Variants in EYS observed in about 807,000 individuals in gnomAD.
EYS encodes the protein EGF-like photoreceptor maintenance factor.
A neutral mutation model predicts 282.1 loss-of-function variants in EYS; 250 were observed. The observed-to-expected ratio is 0.89, with a 90% CI of 0.80 to 0.98. EYS has a LOEUF of 0.98. EYS is among the 50% of genes least tolerant of loss of function. EYS has a pLI of 0.00. For synonymous variants in EYS, 1,355 were observed against 1,282.9 expected, an observed-to-expected ratio of 1.06 and a Z score of -1.20; for missense variants, 4,016 against 3,709.0, an observed-to-expected ratio of 1.08 and a Z score of -2.15.
At chr6:64,589,697 T>A (rs17217959) in intron 26 of EYS, among the ~76,000 whole-genome samples, 15,322 of 152,038 alleles carry the variant, frequency 0.1, 924 homozygotes, top group East Asian at 0.17. Flanking sequence ...AATAAAATAC[T>A]TGAAATTAAC....
intron 12 of EYS, among the ~76,000 whole-genome samples, chr6:65,205,234 CA>C (rs942104087): frequency 2.0e-5 from 3 of 150,732 alleles, no homozygotes; most frequent in African/African-American, 4.9e-5. Context: ...AAATGGAAAA[CA>C]AAAGTCTGAA....
chr6:65,169,095 T>C (rs71572510), intron 12 of EYS, among the ~76,000 whole-genome samples: 1 of 151,522 alleles, frequency 6.6e-6, no homozygotes. Context: ...ACTTGTATTG[T>C]TATGTGACTG....
intron 34 of EYS, among the ~76,000 whole-genome samples, chr6:63,991,830 A>G (rs1767616271): frequency 6.6e-6 from 1 of 151,824 alleles, no homozygotes; most frequent in African/African-American, 2.4e-5. Flanking sequence ...GAATTTTAAA[A>G]GATGCACAAA....
At chr6:63,893,526 T>C (rs1773459836) in intron 35 of EYS, among the ~76,000 whole-genome samples, 1 of 151,922 alleles carries the variant, frequency 6.6e-6, no homozygotes, top group African/African-American at 2.4e-5. Flanking sequence ...AGTTGAACAA[T>C]GAGGACATAT....
At chr6:65,482,120 T>G (rs1765629973) in intron 5 of EYS, among the ~76,000 whole-genome samples, 1 of 152,148 alleles carries the variant, frequency 6.6e-6, no homozygotes, top group African/African-American at 2.4e-5. Flanking sequence ...CCATCAATGC[T>G]AATAATTATC....
intron 29 of EYS, among the ~76,000 whole-genome samples, chr6:64,327,462 C>T (rs574491348): frequency 5.9e-5 from 9 of 152,098 alleles, no homozygotes; most frequent in Non-Finnish European, 1.2e-4. Context: ...GTGAGATAGA[C>T]CGGCCATCTT....
intron 26 of EYS, among the ~76,000 whole-genome samples, chr6:64,507,462 T>C (rs903617384): frequency 6.6e-6 from 1 of 152,216 alleles, no homozygotes; most frequent in Non-Finnish European, 1.5e-5. Context: ...ATTCCCTATA[T>C]ATGCATAATG....
At chr6:65,192,000 A>G (rs1411165849) in intron 12 of EYS, among the ~76,000 whole-genome samples, 3 of 151,504 alleles carry the variant, frequency 2.0e-5, no homozygotes, top group Non-Finnish European at 4.4e-5. Flanking sequence ...TGCTTTTGAA[A>G]TCTACTCAGT....
At chr6:65,276,072 C>T (rs1768039331) in intron 12 of EYS, among the ~76,000 whole-genome samples, 1 of 152,044 alleles carries the variant, frequency 6.6e-6, no homozygotes, top group African/African-American at 2.4e-5. Flanking sequence ...CATAGATTTC[C>T]CTGGTCTTAC....
At position 64,591,056 on chromosome 6, in the gene EYS, G is replaced by A. The variant is rs1766390707; in HGVS notation, c.4811C>T (p.Thr1604Ile). Residue 1604 changes from threonine to isoleucine, a missense_variant, in exon 26 of 43, where the codon ACT (threonine) becomes ATT (isoleucine). Physicochemically the swap from Thr to Ile is moderately conservative, Grantham distance 89 (BLOSUM62 -1). Coordinates refer to ENST00000503581, the MANE Select transcript of EYS (RefSeq NM_001142800.2). ...ASWYALMGAQ[T>I]ITSGHSFSSA... ...AGAAAATGAATGCCCAGAAGTGATAGTTTGAGCTCCCATTAGTGCATACCA... is the reference window on the plus strand; with the variant it reads ...AGAAAATGAATGCCCAGAAGTGATAATTTGAGCTCCCATTAGTGCATACCA... 1.3e-6 allele frequency: 2 copies of A among 1,551,188 alleles called. No individual in the cohort carries two copies. The highest frequency in any genetic ancestry group is 4.9e-5 in the East Asian group (2 of 40,916).
intron 22 of EYS, among the ~76,000 whole-genome samples, chr6:64,790,164 G>T (rs1774146870): frequency 1.3e-5 from 2 of 152,016 alleles, no homozygotes; most frequent in South Asian, 2.1e-4. Flanking sequence ...GAAAGGAAAA[G>T]AATAGGCTGT....
chr6:65,273,779 C>T (rs2150268300), intron 12 of EYS, among the ~76,000 whole-genome samples: 1 of 152,248 alleles, frequency 6.6e-6, no homozygotes. Flanking sequence ...TTCTGTAGGT[C>T]TGCTTATAAA....
intron 19 of EYS, among the ~76,000 whole-genome samples, chr6:64,844,550 T>C (rs1765664306): frequency 6.6e-6 from 1 of 152,078 alleles, no homozygotes. Flanking sequence ...CTTTCTTCAA[T>C]ATTTAAATTT....
At position 65,701,364 on chromosome 6, in the gene EYS, A is replaced by C. The variant is rs546780739; in HGVS notation, c.-448+5771T>G. On this transcript the variant is annotated intron_variant, in intron 1 of 42. Transcript: ENST00000503581. ...AATGAAGTCATATTAATACTGGGAG[A>C]AATAACATGGGAAAATTGAAAATAA... 2.0e-5 allele frequency among the ~76,000 whole-genome samples: 3 copies of C among 152,262 alleles called. 1 individual carries two copies. In the South Asian group the frequency reaches 6.2e-4, roughly 32 times the overall value.
At chr6:65,006,141 G>A (rs1336209365) in intron 13 of EYS, among the ~76,000 whole-genome samples, 3 of 151,830 alleles carry the variant, frequency 2.0e-5, no homozygotes, top group African/African-American at 7.3e-5. Flanking sequence ...CAGTTACGTG[G>A]GACCCGTTCC....
intron 1 of EYS, among the ~76,000 whole-genome samples, chr6:65,652,519 T>C (rs1173219828): frequency 1.3e-5 from 2 of 151,998 alleles, no homozygotes; most frequent in Non-Finnish European, 2.9e-5. Flanking sequence ...TTAATGTATG[T>C]TCAAATCACA....
intron 33 of EYS, among the ~76,000 whole-genome samples, chr6:64,004,954 A>G (rs1334461308): frequency 1.3e-5 from 2 of 152,156 alleles, no homozygotes; most frequent in Non-Finnish European, 1.5e-5. Flanking sequence ...TGGCAGAACA[A>G]TCTATATGCC....
At chr6:64,485,476 G>T (rs1484549785) in intron 26 of EYS, among the ~76,000 whole-genome samples, 1 of 151,492 alleles carries the variant, frequency 6.6e-6, no homozygotes, top group Non-Finnish European at 1.5e-5. Flanking sequence ...TGCTCAATAG[G>T]CAACAACTCC....
Position 64,822,676 on chromosome 6 carries a change from G to T in EYS, c.3139C>A (p.Leu1047Ile). ...CTTCCATGTAGACAAGGATTTGAAAGGCAATCATTGGCGTTTGTTTCACAG... is the reference window on the plus strand; with the variant it reads ...CTTCCATGTAGACAAGGATTTGAAATGCAATCATTGGCGTTTGTTTCACAG... Reference protein sequence around the residue: ...THCETNANDCLSNPCLHGRCT... With the variant: ...THCETNANDCISNPCLHGRCT... Residue 1047 changes from leucine (L) to isoleucine (I), a missense_variant, in exon 20 of 43, where the codon CTT (leucine) becomes ATT (isoleucine). Coordinates refer to ENST00000503581, the MANE Select transcript of EYS (RefSeq NM_001142800.2). 1 of 1,542,774 alleles carries T rather than the reference G, an allele frequency of 6.5e-7. No individual in the cohort carries two copies. The highest frequency in any genetic ancestry group is 8.7e-7 in the Non-Finnish European group (1 of 1,143,914).
Sources: allele counts gnomAD v4.1 joint callset (sites outside exome capture counted in the v4.1 genomes callset), GRCh38; gene constraint gnomAD v4.1.1; transcripts MANE v1.5; gene names NCBI Gene and HGNC (gene_info 2026-07-23, HGNC 2026-07-21).